Variants in GRIK4 observed in about 807,000 individuals in gnomAD.
GRIK4 encodes glutamate ionotropic receptor kainate type subunit 4, also known as glutamate receptor ionotropic, kainate 4.
GRIK4 carries 40 observed loss-of-function variants against 104.9 expected under a neutral mutation model. That is an observed-to-expected ratio of 0.38 (90% CI 0.30 to 0.50). The LOEUF is 0.50. Ranked by LOEUF, GRIK4 falls within the 20% of genes least tolerant of loss-of-function variation. The pLI is 0.93. For missense variants in GRIK4, 1,047 were observed against 1,308.1 expected (o/e 0.80, Z 3.08); for synonymous variants, 485 against 524.9 (o/e 0.92, Z 1.04).
chr11:120,974,309 C>T (rs1186447021), intron 19 of GRIK4, among the ~76,000 whole-genome samples: 1 of 152,166 alleles, frequency 6.6e-6, no homozygotes, highest in Non-Finnish European at 1.5e-5. Flanking sequence ...CTTTCCCAAG[C>T]AGCTCTAAAT....
rs138413369 is a variant in GRIK4 at position 120,888,810 on chromosome 11, A to G, written c.1165-9722A>G. Among the ~76,000 whole-genome samples the G allele has an allele frequency of 3.5e-3, 538 of 152,272 alleles. 2 individuals are homozygous for G. Among genetic ancestry groups the G allele is most frequent in the African/African-American group, 0.012 (511 of 41,556 alleles). On this transcript the variant is annotated intron_variant, in intron 11 of 20. Coordinates refer to ENST00000527524, the MANE Select transcript of GRIK4 (RefSeq NM_014619.5). ...ACACCCTGATCTATTCTAGGTATAGATTTGCTTTTTAAAATGCATGTCTTG... is the reference window on the plus strand; with the variant it reads ...ACACCCTGATCTATTCTAGGTATAGGTTTGCTTTTTAAAATGCATGTCTTG...
intron 3 of GRIK4, among the ~76,000 whole-genome samples, chr11:120,728,362 C>T (rs773617146): frequency 1.7e-4 from 26 of 152,214 alleles, no homozygotes; most frequent in Admixed American, 1.2e-3. Flanking sequence ...CTTATATTAA[C>T]GTAACATGTA....
chr11:120,968,963 T>C (rs1944429356), intron 19 of GRIK4, among the ~76,000 whole-genome samples: 1 of 152,238 alleles, frequency 6.6e-6, no homozygotes, highest in Non-Finnish European at 1.5e-5. Context: ...CGTGCTCTGC[T>C]GCTCTCAGAA....
At chr11:120,823,298 A>T (rs549735942) in intron 6 of GRIK4, among the ~76,000 whole-genome samples, 3 of 152,188 alleles carry the variant, frequency 2.0e-5, no homozygotes, top group Non-Finnish European at 4.4e-5. Flanking sequence ...GGTTGCTCAG[A>T]TGTTTGCTAA....
At chr11:120,935,972 A>T (rs2134626837) in intron 13 of GRIK4, 1 of 196,420 alleles carries the variant, frequency 5.1e-6, no homozygotes, top group Non-Finnish European at 1.0e-5. Flanking sequence ...TGGGTTGTGT[A>T]TGGGGGGGTG....
At chr11:120,515,707 A>G (rs1387116538) in intron 1 of GRIK4, among the ~76,000 whole-genome samples, 2 of 152,326 alleles carry the variant, frequency 1.3e-5, no homozygotes, top group Non-Finnish European at 1.5e-5. Flanking sequence ...GGCCCTCTTC[A>G]TAGTAAGGAC....
At chr11:120,865,887 A>G (rs1328547575) in intron 9 of GRIK4, among the ~76,000 whole-genome samples, 2 of 151,866 alleles carry the variant, frequency 1.3e-5, no homozygotes, top group African/African-American at 4.8e-5. Context: ...TCTGTTTCTG[A>G]TGAGGGCCTC....
At chr11:120,664,678 A>C (rs189218025) in intron 3 of GRIK4, among the ~76,000 whole-genome samples, 1 of 152,232 alleles carries the variant, frequency 6.6e-6, no homozygotes, top group East Asian at 1.9e-4. Context: ...CCATCACATT[A>C]AATACATTGT....
At chr11:120,946,171 A>G (rs1326071410) in intron 14 of GRIK4, among the ~76,000 whole-genome samples, 1 of 152,240 alleles carries the variant, frequency 6.6e-6, no homozygotes, top group African/African-American at 2.4e-5. Flanking sequence ...AGAGTATATC[A>G]TGTAGTTTTC....
At chr11:120,779,590 G>A (rs762847845) in intron 3 of GRIK4, among the ~76,000 whole-genome samples, 2 of 152,214 alleles carry the variant, frequency 1.3e-5, no homozygotes, top group South Asian at 2.1e-4. Context: ...ATTCAAAGTC[G>A]TGGTGAAATT....
At chr11:120,778,136 G>A (rs540933813) in intron 3 of GRIK4, among the ~76,000 whole-genome samples, 1 of 152,258 alleles carries the variant, frequency 6.6e-6, no homozygotes, top group East Asian at 1.9e-4. Flanking sequence ...ATAATGATTT[G>A]CTTTTGTTTC....
At position 120,764,037 on chromosome 11, in the gene GRIK4, A is replaced by G. The variant is rs11826149; in HGVS notation, c.83-38656A>G. Among the ~76,000 whole-genome samples, 662 of 152,318 alleles carry G rather than the reference A, an allele frequency of 4.3e-3. 8 individuals carry two copies. The highest frequency in any genetic ancestry group is 0.015 in the African/African-American group (606 of 41,574). On this transcript the variant is annotated intron_variant, in intron 3 of 20. Transcript: ENST00000527524. ...TCTCGTTGATCTGTCTAATATTGAC[A>G]GTGGAGTGTCGAAGTCTCCCACTAT...
chr11:120,973,195 T>G (rs1944504413), intron 19 of GRIK4, among the ~76,000 whole-genome samples: 1 of 152,194 alleles, frequency 6.6e-6, no homozygotes, highest in African/African-American at 2.4e-5. Context: ...TTGTTGCAGT[T>G]GTTGGCCTTG....
intron 1 of GRIK4, among the ~76,000 whole-genome samples, chr11:120,532,417 A>C (rs1045365094): frequency 6.6e-6 from 1 of 152,178 alleles, no homozygotes; most frequent in African/African-American, 2.4e-5. Flanking sequence ...GAGGCATTGA[A>C]TCAAAGTCCT....
At chr11:120,980,079 G>T (rs1944626476) in intron 19 of GRIK4, among the ~76,000 whole-genome samples, 1 of 152,132 alleles carries the variant, frequency 6.6e-6, no homozygotes, top group Non-Finnish European at 1.5e-5. Flanking sequence ...CAAGTGATCT[G>T]CCTGCCTTGG....
chr11:120,810,370 G>A (rs1952805520), intron 4 of GRIK4, among the ~76,000 whole-genome samples: 1 of 152,214 alleles, frequency 6.6e-6, no homozygotes, highest in South Asian at 2.1e-4. Flanking sequence ...GCTTGGGACA[G>A]AAGCTGGCCA....
chr11:120,856,420 C>T (rs933178740), intron 8 of GRIK4, among the ~76,000 whole-genome samples: 1 of 152,158 alleles, frequency 6.6e-6, no homozygotes, highest in Non-Finnish European at 1.5e-5. Flanking sequence ...AGATCAGAGG[C>T]ACGATCTCCA....
At chr11:120,892,111 T>C (rs1955318889) in intron 11 of GRIK4, among the ~76,000 whole-genome samples, 1 of 152,108 alleles carries the variant, frequency 6.6e-6, no homozygotes. Context: ...CAGGGGTTCA[T>C]GTGGCAAGGA....
At chr11:120,980,900 G>A (rs1944640626) in intron 19 of GRIK4, among the ~76,000 whole-genome samples, 1 of 152,144 alleles carries the variant, frequency 6.6e-6, no homozygotes, top group Non-Finnish European at 1.5e-5. Context: ...GGAAACCCTG[G>A]GCATACTGAA....
Sources: gnomAD v4.1 joint callset for allele counts (sites outside exome capture counted in the v4.1 genomes callset) on GRCh38, gnomAD v4.1.1 for gene constraint, MANE v1.5 for transcripts, NCBI Gene and HGNC (gene_info 2026-07-23, HGNC 2026-07-21) for gene names.